MGAT5: variants seen among roughly 807,000 people sequenced by gnomAD.
The protein encoded by MGAT5 is alpha-1,6-mannosylglycoprotein 6-beta-N-acetylglucosaminyltransferase.
MGAT5 carries 30 observed loss-of-function variants against 94.3 expected under a neutral mutation model. That is an observed-to-expected ratio of 0.32 (90% CI 0.24 to 0.43). The LOEUF (loss-of-function observed/expected upper bound fraction) is 0.43, where lower values mean the gene tolerates loss of function less well. Ranked by LOEUF, MGAT5 falls within the 20% of genes least tolerant of loss-of-function variation. The pLI, the probability that MGAT5 is intolerant of heterozygous loss-of-function variation, is 1.00. For missense variants in MGAT5, 691 were observed against 905.5 expected (o/e 0.76, Z 3.04); for synonymous variants, 310 against 322.9 (o/e 0.96, Z 0.43).
At chr2:134,440,684 C>T (rs1467446608) in intron 14 of MGAT5, among the ~76,000 whole-genome samples, 3 of 152,164 alleles carry the variant, frequency 2.0e-5, no homozygotes, top group Non-Finnish European at 4.4e-5. Flanking sequence ...CATACACATG[C>T]AAGAAATCAG....
In MGAT5 at chr2:134,134,943, C is replaced by T. The variant is rs76079167; in HGVS notation, c.-143+14652C>T. Reference sequence around the variant, plus strand: ...AGTTAATGAAGAAAGGTTGTGCTTTCTTTTGTTAGGAAATTTACCATTTTG... The same window carrying T: ...AGTTAATGAAGAAAGGTTGTGCTTTTTTTTGTTAGGAAATTTACCATTTTG... On this transcript the variant is annotated intron_variant, in intron 1 of 16. Coordinates refer to the MGAT5 transcript ENST00000409645. Among the ~76,000 whole-genome samples, 3,381 of 152,248 alleles carry T rather than the reference C, an allele frequency of 0.022. 278 individuals carry two copies. The East Asian group carries it at 0.25, about 11-fold the overall frequency.
intron 1 of MGAT5, among the ~76,000 whole-genome samples, chr2:134,147,172 TA>T (rs1350536195): frequency 6.6e-6 from 1 of 152,190 alleles, no homozygotes; most frequent in Non-Finnish European, 1.5e-5. Flanking sequence ...GTTTCTTTAT[TA>T]GTAAAATGGG....
At chr2:134,202,526 C>A (rs138111182) in intron 1 of MGAT5, among the ~76,000 whole-genome samples, 1 of 152,192 alleles carries the variant, frequency 6.6e-6, no homozygotes, top group African/African-American at 2.4e-5. Flanking sequence ...TAAAGTGTTT[C>A]GTTTTACTAG....
At chr2:134,377,724 T>C (rs1681273227) in intron 10 of MGAT5, among the ~76,000 whole-genome samples, 1 of 152,184 alleles carries the variant, frequency 6.6e-6, no homozygotes, top group Admixed American at 6.5e-5. Context: ...ATGATGTGAC[T>C]TGGTCTTTCA....
At chr2:134,206,657 C>T (rs924815920) in intron 1 of MGAT5, among the ~76,000 whole-genome samples, 2 of 152,128 alleles carry the variant, frequency 1.3e-5, no homozygotes, top group East Asian at 3.9e-4. Context: ...GGGCAATTAT[C>T]GTGGATTGTC....
At chr2:134,243,642 C>T (rs1682084168) in intron 1 of MGAT5, among the ~76,000 whole-genome samples, 1 of 152,168 alleles carries the variant, frequency 6.6e-6, no homozygotes, top group Non-Finnish European at 1.5e-5. Context: ...ATGAGAACTT[C>T]TTTATAAGGT....
chr2:134,152,199 G>A (rs1343164123), intron 1 of MGAT5, among the ~76,000 whole-genome samples: 4 of 136,904 alleles, frequency 2.9e-5, no homozygotes, highest in Admixed American at 1.5e-4. Flanking sequence ...CCTGCCCACC[G>A]CCATGGGAAC....
At chr2:134,189,627 G>A (rs1429285883) in intron 1 of MGAT5, among the ~76,000 whole-genome samples, 5 of 19,242 alleles carry the variant, frequency 2.6e-4, no homozygotes, top group African/African-American at 1.1e-3. Context: ...TTTTAAGACA[G>A]AGTCTCGCTC....
chr2:134,250,388 T>G (rs1203178257), upstream of MGAT5, among the ~76,000 whole-genome samples: 1 of 152,212 alleles, frequency 6.6e-6, no homozygotes, highest in Non-Finnish European at 1.5e-5. Context: ...AGGCATCTTC[T>G]TAGCTCCAGC....
intron 1 of MGAT5, among the ~76,000 whole-genome samples, chr2:134,121,600 A>G (rs999402593): frequency 2.0e-5 from 3 of 152,178 alleles, no homozygotes; most frequent in Non-Finnish European, 4.4e-5. Flanking sequence ...GGCCGCCGCT[A>G]TCTGCACCTG....
intron 1 of MGAT5, among the ~76,000 whole-genome samples, chr2:134,259,902 G>GA (rs1484342077): frequency 3.3e-5 from 5 of 152,244 alleles, no homozygotes; most frequent in Admixed American, 3.3e-4. Flanking sequence ...TACATTCCAG[G>GA]AAGAAAAATG....
intron 8 of MGAT5, among the ~76,000 whole-genome samples, chr2:134,347,066 C>T (rs1688962830): frequency 6.6e-6 from 1 of 152,072 alleles, no homozygotes. Flanking sequence ...CATTAGTCGG[C>T]CTATGATGCT....
chr2:134,236,795 G>T (rs6756303), intron 1 of MGAT5, among the ~76,000 whole-genome samples: 16,587 of 152,046 alleles, frequency 0.11, 1,183 homozygotes, highest in African/African-American at 0.21. Context: ...CATGGTTGGA[G>T]GATGTTTCTA....
intron 1 of MGAT5, among the ~76,000 whole-genome samples, chr2:134,236,549 C>G (rs1681648649): frequency 6.6e-6 from 1 of 152,172 alleles, no homozygotes; most frequent in South Asian, 2.1e-4. Context: ...CTTCCCCCCC[C>G]TTTTGCTTGG....
chr2:134,304,398 G>A (rs1686208729), intron 2 of MGAT5, among the ~76,000 whole-genome samples: 1 of 152,148 alleles, frequency 6.6e-6, no homozygotes, highest in Admixed American at 6.6e-5. Context: ...CACCACCTGA[G>A]GATCAGTGCC....
chr2:134,373,113 T>C (rs893037477), intron 10 of MGAT5, among the ~76,000 whole-genome samples: 1 of 152,186 alleles, frequency 6.6e-6, no homozygotes, highest in African/African-American at 2.4e-5. Context: ...GCAGCCGATA[T>C]GGGAGCTGCG....
rs987336413 is a variant in MGAT5 at position 134,361,622 on chromosome 2, G to A, written c.1247-653G>A. On this transcript the variant is annotated intron_variant, in intron 9 of 15. Transcript: ENST00000281923. The stretch of plus-strand genomic sequence containing the variant: ...CTCTTCCAGAATAGCCTACTCTGTA[G>A]ACAGTATTCCTTTGCAGTGGTTGGA... Among the ~76,000 whole-genome samples the A allele has an allele frequency of 3.3e-5, 5 of 152,208 alleles. No homozygotes were observed. The East Asian group carries it at 9.6e-4, about 29-fold the overall frequency.
intron 13 of MGAT5, 88 bp downstream of exon 13, chr2:134,423,007 C>T (rs1301952680): frequency 2.2e-5 from 20 of 929,218 alleles, no homozygotes; most frequent in Non-Finnish European, 2.1e-5. Context: ...TTTTAGCAAA[C>T]AGATCTTTAC....
At chr2:134,408,889 A>G (rs1683490898) in intron 11 of MGAT5, among the ~76,000 whole-genome samples, 1 of 152,234 alleles carries the variant, frequency 6.6e-6, no homozygotes, top group African/African-American at 2.4e-5. Flanking sequence ...GTCATTGTAT[A>G]AAAATAAACA....
Sources: gnomAD v4.1 joint callset for allele counts (sites outside exome capture counted in the v4.1 genomes callset) on GRCh38, gnomAD v4.1.1 for gene constraint, MANE v1.5 for transcripts, NCBI Gene and HGNC (gene_info 2026-07-23, HGNC 2026-07-21) for gene names.